The following CLDN23 variants were observed in gnomAD, a reference collection of about 807,000 sequenced individuals.
CLDN23 encodes claudin-23.
In CLDN23, 3 loss-of-function variants were observed where a neutral mutation model predicts 1.4. That is an observed-to-expected ratio of 2.10 (90% CI 0.96 to 5.43). CLDN23 has a LOEUF of 5.43. Among genes scored for constraint, CLDN23 ranks in the 30% most tolerant of loss-of-function variants. The pLI is 0.02. For synonymous variants in CLDN23, 291 were observed against 209.9 expected, an observed-to-expected ratio of 1.39 and a Z score of -3.34; for missense variants, 597 against 433.5, an observed-to-expected ratio of 1.38 and a Z score of -3.35.
rs1563134503 is a variant in CLDN23, at chr8:8,702,224, CA to C, written c.-172del. The C allele has an allele frequency of 1.1e-5, 6 of 568,372 alleles. No homozygotes were observed. Among genetic ancestry groups the C allele is most frequent in the Non-Finnish European group, 1.7e-5 (6 of 352,586 alleles). The allele number at this position is 568,372 out of a possible 1,614,324, so 35.2% of individuals were successfully genotyped here. ...GTGGGGACGGTCCCCGTGCAGGAGA[CA>C]AAGAGCGTCCCTGGAGCGATCAGGG... On this transcript the variant is annotated 5_prime_UTR_variant, in exon 1 of 1. Transcript: ENST00000519106.
Position 8,703,538 on chromosome 8 carries a change from A to G in CLDN23, c.*261A>G, listed in dbSNP as rs1802822174. On this transcript the variant is annotated 3_prime_UTR_variant, in exon 1 of 1. Transcript: ENST00000519106. ...TTTTCATATATTTTTGCTGAAGAAT[A>G]TATGGAAAGGGTGGCATTTGCGTCA... is the stretch of plus-strand genomic sequence containing the variant. 5.3e-6 allele frequency: 2 copies of G among 378,476 alleles called. No homozygotes were observed. Among genetic ancestry groups the G allele is most frequent in the Non-Finnish European group, 9.7e-6 (2 of 205,320 alleles). 23.4% of individuals were successfully genotyped at this position (378,476 alleles called of 1,614,324 possible).
In CLDN23 at chr8:8,703,345, G is replaced by A. The variant is rs921307391; in HGVS notation, c.*68G>A. 14 of 1,293,182 alleles carry A rather than the reference G, an allele frequency of 1.1e-5. No individual in the cohort carries two copies. Among genetic ancestry groups the A allele is most frequent in the Non-Finnish European group, 1.3e-5 (13 of 1,010,896 alleles). The allele number at this position is 1,293,182 out of a possible 1,614,324, so 80.1% of individuals were successfully genotyped here. A position where few individuals can be genotyped will look rare whatever the true frequency, so the allele number is the denominator to read the frequency against. On this transcript the variant is annotated 3_prime_UTR_variant, in exon 1 of 1. Coordinates refer to ENST00000519106, the MANE Select transcript of CLDN23 (RefSeq NM_194284.3). Reference sequence around the variant, plus strand: ...CCCCCGCACAGGCCCGCCTGGCTTCGAGTTGGAACCCGGACACTTGCCCCT... The same window carrying A: ...CCCCCGCACAGGCCCGCCTGGCTTCAAGTTGGAACCCGGACACTTGCCCCT...
chr8:8,702,409 C>G lies in CLDN23; in HGVS notation c.11C>G (p.Pro4Arg). MRT[P>R]VVMTLGMVLA... ...GCGCGGCGGGCCGGGATGCGGACGC[C>G]GGTGGTGATGACGCTGGGCATGGTG... Residue 4 changes from proline to arginine, a missense_variant, in exon 1 of 1, where the codon CCG becomes CGG. Transcript: ENST00000519106. 6.7e-7 allele frequency: 1 copy of G among 1,501,240 alleles called. No homozygotes were observed. The highest frequency in any genetic ancestry group is 8.9e-7 in the Non-Finnish European group (1 of 1,127,774). The allele number at this position is 1,501,240 out of a possible 1,614,324, so 93.0% of individuals were successfully genotyped here.
chr8:8,703,150 G>T lies in CLDN23; in HGVS notation c.752G>T (p.Arg251Leu). The T allele has an allele frequency of 6.5e-7, 1 of 1,538,322 alleles. No homozygotes were observed. Among genetic ancestry groups the T allele is most frequent in the East Asian group, 2.5e-5 (1 of 40,420 alleles). The part of the protein sequence containing the change: ...PKPKVGFPMP[R>L]PRPKAYTNSV... ...CCCAAGGTCGGCTTCCCCATGCCGC[G>T]GCCGCGGCCCAAGGCCTACACCAAC... Residue 251 changes from arginine (R) to leucine (L), a missense_variant, in exon 1 of 1, where the codon CGG becomes CTG. Physicochemically the swap from Arg to Leu is moderately radical, Grantham distance 102 (BLOSUM62 -2). Transcript: ENST00000519106.
Position 8,703,201 on chromosome 8 carries a change from G to A in CLDN23, c.803G>A (p.Gly268Glu), listed in dbSNP as rs1317553358. ...TNSVDVLDGE[G>E]WESQDAPSCS... ...TCGGTGGACGTCCTCGACGGGGAGG[G>A]GTGGGAGTCCCAGGACGCTCCCTCG... Residue 268 changes from glycine (G) to glutamate (E), a missense_variant, in exon 1 of 1, where the codon GGG becomes GAG. Transcript: ENST00000519106. 3 of 1,487,024 alleles carry A rather than the reference G, an allele frequency of 2.0e-6. No homozygotes were observed. Among genetic ancestry groups the A allele is most frequent in the East Asian group, 2.6e-5 (1 of 38,810 alleles). The allele number at this position is 1,487,024 out of a possible 1,614,324, so 92.1% of individuals were successfully genotyped here.
chr8:8,702,855 AC>A lies in CLDN23; in HGVS notation c.458del (p.Thr153ArgfsTer144). The A allele has an allele frequency of 1.2e-6, 2 of 1,604,676 alleles. No individual in the cohort carries two copies. The highest frequency in any genetic ancestry group is 1.7e-6 in the Non-Finnish European group (2 of 1,177,462). ...DVLPAPASPV[T>X]VQVSYSLVLG... ...GCTGCCCGCCCCGGCCAGCCCGGTCACGGTGCAGGTCAGCTACAGCCTGGTC... is the reference window on the plus strand; with the variant it reads ...GCTGCCCGCCCCGGCCAGCCCGGTCAGGTGCAGGTCAGCTACAGCCTGGTC... On this transcript the variant is annotated frameshift_variant, in exon 1 of 1. Coordinates refer to ENST00000519106, the MANE Select transcript of CLDN23 (RefSeq NM_194284.3). LOFTEE classifies it low-confidence loss of function (END_TRUNC).
chr8:8,702,474 C>G lies in CLDN23; in HGVS notation c.76C>G (p.Leu26Val), dbSNP rs755081736. 1 of 1,608,186 alleles carries G rather than the reference C, an allele frequency of 6.2e-7. No homozygotes were observed. Among genetic ancestry groups the G allele is most frequent in the Non-Finnish European group, 8.5e-7 (1 of 1,178,152 alleles). ...CGLLLNLTGT[L>V]APGWRLVKGF... ...GCTCCTGCTCAACCTGACCGGCACC[C>G]TGGCGCCCGGCTGGCGGCTGGTGAA... The change falls in exon 1 of 1, where the codon CTG becomes GTG. Residue 26 changes from leucine to valine, a missense_variant. By Grantham distance (32) the Leu-to-Val change is conservative. Transcript: ENST00000519106.
chr8:8,702,941 C>A lies in CLDN23; in HGVS notation c.543C>A (p.Phe181Leu). Residue 181 changes from phenylalanine (F) to leucine (L), a missense_variant, in exon 1 of 1, where the codon TTC (phenylalanine) becomes TTA (leucine). Phe to Leu is a conservative substitution (Grantham distance 22). Transcript: ENST00000519106. ...GCGGCTTCTCGCTGGCGCTCAGCTT[C>A]GCGCCCTGGTGCGACGAGCGTTGTC... is the stretch of plus-strand genomic sequence containing the variant. Reference protein sequence around the residue: ...LLGGFSLALSFAPWCDERCRR... With the variant: ...LLGGFSLALSLAPWCDERCRR... The A allele has an allele frequency of 2.5e-6, 4 of 1,570,602 alleles. No individual in the cohort carries two copies. The highest frequency in any genetic ancestry group is 3.4e-6 in the Non-Finnish European group (4 of 1,163,038).
In CLDN23 at chr8:8,703,374, T is replaced by A; in HGVS notation, c.*97T>A. The A allele has an allele frequency of 8.6e-7, 1 of 1,164,222 alleles. No individual in the cohort carries two copies. The allele number at this position is 1,164,222 out of a possible 1,614,324, so 72.1% of individuals were successfully genotyped here. On this transcript the variant is annotated 3_prime_UTR_variant, in exon 1 of 1. Transcript: ENST00000519106. ...TGGAACCCGGACACTTGCCCCTCAC[T>A]GGTGTGGATGGAAATCTGCCTTTCG...
chr8:8,703,070 C>G lies in CLDN23; in HGVS notation c.672C>G (p.Tyr224Ter). Reference sequence around the variant, plus strand: ...ACCTGGCGCCCGCCATCAAGTACTACAGCGACGGCCAGCACCGACCGCCGC... The same window carrying G: ...ACCTGGCGCCCGCCATCAAGTACTAGAGCGACGGCCAGCACCGACCGCCGC... Reference protein sequence around the residue: ...EPDLAPAIKYYSDGQHRPPPA... With the variant: ...EPDLAPAIKY Residue 224 changes from tyrosine to a stop codon, truncating the protein, a stop_gained, in exon 1 of 1, where the codon TAC becomes TAG. Transcript: ENST00000519106. LOFTEE classifies it low-confidence loss of function (END_TRUNC). 6.5e-7 allele frequency: 1 copy of G among 1,532,386 alleles called. No individual in the cohort carries two copies. The highest frequency in any genetic ancestry group is 8.7e-7 in the Non-Finnish European group (1 of 1,146,476). 94.9% of individuals were successfully genotyped at this position (1,532,386 alleles called of 1,614,324 possible). A position where few individuals can be genotyped will look rare whatever the true frequency, so the allele number is the denominator to read the frequency against.
In CLDN23 at chr8:8,702,489, C is replaced by T. The variant is rs761103152; in HGVS notation, c.91C>T (p.Arg31Trp). The change falls in exon 1 of 1, where the codon CGG becomes TGG. Residue 31 changes from arginine to tryptophan, a missense_variant. Coordinates refer to ENST00000519106, the MANE Select transcript of CLDN23 (RefSeq NM_194284.3). ...NLTGTLAPGW[R>W]LVKGFLNQPV... ...GACCGGCACCCTGGCGCCCGGCTGGCGGCTGGTGAAGGGCTTCCTGAACCA... is the reference window on the plus strand; with the variant it reads ...GACCGGCACCCTGGCGCCCGGCTGGTGGCTGGTGAAGGGCTTCCTGAACCA... The T allele has an allele frequency of 6.2e-7, 1 of 1,606,798 alleles. No homozygotes were observed. Among genetic ancestry groups the T allele is most frequent in the South Asian group, 1.1e-5 (1 of 90,388 alleles).
At position 8,702,333 on chromosome 8, in the gene CLDN23, G is replaced by C; in HGVS notation, c.-66G>C. On this transcript the variant is annotated 5_prime_UTR_variant, in exon 1 of 1. Coordinates refer to ENST00000519106, the MANE Select transcript of CLDN23 (RefSeq NM_194284.3). The stretch of plus-strand genomic sequence containing the variant: ...TGGGGCACGGCAGGGAGAAGACGAC[G>C]GCGGAGAAGGCGACAGCGGAGAAGG... 1.4e-6 allele frequency: 2 copies of C among 1,449,352 alleles called. No individual in the cohort carries two copies. Among genetic ancestry groups the C allele is most frequent in the Non-Finnish European group, 1.8e-6 (2 of 1,105,398 alleles). 89.8% of individuals were successfully genotyped at this position (1,449,352 alleles called of 1,614,324 possible). A position where few individuals can be genotyped will look rare whatever the true frequency, so the allele number is the denominator to read the frequency against.
At position 8,702,744 on chromosome 8, in the gene CLDN23, C is replaced by G. The variant is rs1802776191; in HGVS notation, c.346C>G (p.Leu116Val). 6.2e-7 allele frequency: 1 copy of G among 1,609,340 alleles called. No individual in the cohort carries two copies. The highest frequency in any genetic ancestry group is 1.7e-5 in the Admixed American group (1 of 59,920). The stretch of plus-strand genomic sequence containing the variant: ...CGAGCCCAACTTCGTGCTGGCAGGG[C>G]TCTCGGGCGTCGTGCTCTTCGTCGC... ...QDEPNFVLAG[L>V]SGVVLFVAGL... Residue 116 changes from leucine (L) to valine (V), a missense_variant, in exon 1 of 1, where the codon CTC (leucine) becomes GTC (valine). Coordinates refer to ENST00000519106, the MANE Select transcript of CLDN23 (RefSeq NM_194284.3).
Position 8,702,280 on chromosome 8 carries a change from T to C in CLDN23, c.-119T>C. On this transcript the variant is annotated 5_prime_UTR_variant, in exon 1 of 1. Transcript: ENST00000519106. ...GGAGCCCGACCCGGAGCCCGGGGCG[T>C]CCGCGCTGACTTCGGGTCCCCGGAG... The C allele has an allele frequency of 8.6e-7, 1 of 1,158,044 alleles. No individual in the cohort carries two copies. Among genetic ancestry groups the C allele is most frequent in the Non-Finnish European group, 1.2e-6 (1 of 860,284 alleles). 71.7% of individuals were successfully genotyped at this position (1,158,044 alleles called of 1,614,324 possible).
chr8:8,702,580 G>C lies in CLDN23; in HGVS notation c.182G>C (p.Arg61Pro), dbSNP rs372856858. 6.2e-7 allele frequency: 1 copy of C among 1,609,512 alleles called. No homozygotes were observed. Among genetic ancestry groups the C allele is most frequent in the Non-Finnish European group, 8.5e-7 (1 of 1,177,970 alleles). The stretch of plus-strand genomic sequence containing the variant: ...TGTCGCGAGCAGAGCAGCCGCGAGC[G>C]CGAGTGCGGCCAGACGGACCAGTGG... ...DMCREQSSRE[R>P]ECGQTDQWGY... Residue 61 changes from arginine (R) to proline (P), a missense_variant, in exon 1 of 1, where the codon CGC (arginine) becomes CCC (proline). By Grantham distance (103) the Arg-to-Pro change is moderately radical. Coordinates refer to ENST00000519106, the MANE Select transcript of CLDN23 (RefSeq NM_194284.3).
rs778115424 is a variant in CLDN23, at chr8:8,702,350, C to A, written c.-49C>A. On this transcript the variant is annotated 5_prime_UTR_variant, in exon 1 of 1. Coordinates refer to ENST00000519106, the MANE Select transcript of CLDN23 (RefSeq NM_194284.3). ...AAGACGACGGCGGAGAAGGCGACAG[C>A]GGAGAAGGAAGGCAGGCTGCAGGGG... The A allele has an allele frequency of 1.2e-5, 18 of 1,468,366 alleles. 1 individual carries two copies. In the South Asian group the frequency reaches 1.6e-4, roughly 13 times the overall value. 91.0% of individuals were successfully genotyped at this position (1,468,366 alleles called of 1,614,324 possible).
Position 8,703,177 on chromosome 8 carries a change from C to A in CLDN23, c.779C>A (p.Ser260Ter), listed in dbSNP as rs557539750. 1.3e-6 allele frequency: 2 copies of A among 1,511,526 alleles called. No individual in the cohort carries two copies. Among genetic ancestry groups the A allele is most frequent in the South Asian group, 2.5e-5 (2 of 80,308 alleles). 93.6% of individuals were successfully genotyped at this position (1,511,526 alleles called of 1,614,324 possible). The part of the protein sequence containing the change: ...PRPRPKAYTN[S>*]VDVLDGEGWE... ...CCGCGGCCCAAGGCCTACACCAACT[C>A]GGTGGACGTCCTCGACGGGGAGGGG... Residue 260 changes from serine to a stop codon, truncating the protein, a stop_gained, in exon 1 of 1, where the codon TCG becomes TAG. Coordinates refer to ENST00000519106, the MANE Select transcript of CLDN23 (RefSeq NM_194284.3). LOFTEE classifies it low-confidence loss of function (END_TRUNC).
chr8:8,703,025 A>T lies in CLDN23; in HGVS notation c.627A>T (p.Gln209His). The T allele has an allele frequency of 6.4e-7, 1 of 1,551,810 alleles. No individual in the cohort carries two copies. The highest frequency in any genetic ancestry group is 8.7e-7 in the Non-Finnish European group (1 of 1,155,606). Reference protein sequence around the residue: ...GPRRSSVSTIQVEWPEPDLAP... With the variant: ...GPRRSSVSTIHVEWPEPDLAP... ...GCCGCAGCAGCGTCAGCACCATCCA[A>T]GTGGAGTGGCCCGAGCCCGACCTGG... Residue 209 changes from glutamine (Q) to histidine (H), a missense_variant, in exon 1 of 1, where the codon CAA becomes CAT. Transcript: ENST00000519106.
In CLDN23 at chr8:8,702,233, T is replaced by C. The variant is rs1802741832; in HGVS notation, c.-166T>C. The C allele has an allele frequency of 4.5e-6, 3 of 662,264 alleles. No homozygotes were observed. The highest frequency in any genetic ancestry group is 1.9e-5 in the African/African-American group (1 of 52,100). The allele number at this position is 662,264 out of a possible 1,614,324, so 41.0% of individuals were successfully genotyped here. Reference sequence around the variant, plus strand: ...GTCCCCGTGCAGGAGACAAAGAGCGTCCCTGGAGCGATCAGGGCTCAGGAG... The same window carrying C: ...GTCCCCGTGCAGGAGACAAAGAGCGCCCCTGGAGCGATCAGGGCTCAGGAG... On this transcript the variant is annotated 5_prime_UTR_variant, in exon 1 of 1. Coordinates refer to ENST00000519106, the MANE Select transcript of CLDN23 (RefSeq NM_194284.3).
Sources: gnomAD v4.1 joint callset for allele counts on GRCh38, gnomAD v4.1.1 for gene constraint, MANE v1.5 for transcripts, NCBI Gene and HGNC (gene_info 2026-07-23, HGNC 2026-07-21) for gene names.